The following NSMCE4A variants were observed in gnomAD, a reference collection of about 807,000 sequenced individuals.
NSMCE4A encodes the protein non-structural maintenance of chromosomes element 4 homolog A.
A neutral mutation model predicts 47.9 loss-of-function variants in NSMCE4A; 40 were observed. The observed-to-expected ratio is 0.83, with a 90% CI of 0.65 to 1.09. The LOEUF (loss-of-function observed/expected upper bound fraction) is 1.09, where lower values mean the gene tolerates loss of function less well. Among genes scored for constraint, NSMCE4A ranks in the 50% least tolerant of loss-of-function variants. NSMCE4A has a pLI of 0.00. For synonymous variants in NSMCE4A, 166 were observed against 178.5 expected, an observed-to-expected ratio of 0.93 and a Z score of 0.56; for missense variants, 500 against 507.0, an observed-to-expected ratio of 0.99 and a Z score of 0.13.
intron 4 of NSMCE4A, chr10:121,966,231 T>C (rs1952604367): frequency 6.6e-6 from 1 of 152,208 alleles, no homozygotes; most frequent in South Asian, 2.1e-4. Flanking sequence ...GATCCTACAC[T>C]GCTAACACCT....
At chr10:121,971,141 C>A in intron 2 of NSMCE4A, 72 bp from the exon 3 acceptor site, 2 of 1,309,644 alleles carry the variant, frequency 1.5e-6, no homozygotes, top group Non-Finnish European at 2.1e-6. Context: ...CCTACATTTC[C>A]AACTACTTAC....
Position 121,970,920 on chromosome 10 carries a change from T to C in NSMCE4A, c.501+19A>G, listed in dbSNP as rs1378915774. ...ATAACAGAACATTTTTTATTCAGAG[T>C]CTGTAGCTTTGAACTTACTAGAGTT... On this transcript the variant is annotated intron_variant, in intron 3 of 10. Transcript: ENST00000369023. 1.3e-6 allele frequency: 2 copies of C among 1,586,998 alleles called. No homozygotes were observed. The highest frequency in any genetic ancestry group is 1.8e-5 in the Admixed American group (1 of 55,106).
chr10:121,964,946 G>C (rs1952578275), intron 5 of NSMCE4A, among the ~76,000 whole-genome samples: 1 of 152,088 alleles, frequency 6.6e-6, no homozygotes, highest in African/African-American at 2.4e-5. Context: ...GGGTCGGGGG[G>C]GCTATTAGCA....
At position 121,975,116 on chromosome 10, in the gene NSMCE4A, C is replaced by T; in HGVS notation, c.50G>A (p.Arg17His). The change falls in exon 1 of 11, where the codon CGC (arginine) becomes CAC (histidine). Residue 17 changes from arginine (R) to histidine (H), a missense_variant. Arg to His is a conservative substitution (Grantham distance 29). Coordinates refer to ENST00000369023, the MANE Select transcript of NSMCE4A (RefSeq NM_017615.3). ...GRGPEGRGRG[R>H]DPHRDRTRSR... ...GCGGGTGCGATCCCGATGCGGGTCG[C>T]GGCCCCGGCCCCGGCCCTCTGGCCC... 1 of 1,417,524 alleles carries T rather than the reference C, an allele frequency of 7.1e-7. No homozygotes were observed. Among genetic ancestry groups the T allele is most frequent in the Non-Finnish European group, 9.1e-7 (1 of 1,097,484 alleles). The allele number at this position is 1,417,524 out of a possible 1,614,324, so 87.8% of individuals were successfully genotyped here. A position where few individuals can be genotyped will look rare whatever the true frequency, so the allele number is the denominator to read the frequency against.
intron 5 of NSMCE4A, among the ~76,000 whole-genome samples, chr10:121,964,261 G>A (rs1358030388): frequency 3.5e-5 from 5 of 144,486 alleles, no homozygotes; most frequent in Non-Finnish European, 6.0e-5. Flanking sequence ...TCCTACCTCA[G>A]CCTCCAGAGT....
chr10:121,965,260 T>C (rs1952585444), intron 5 of NSMCE4A, 26 bp downstream of exon 5: 2 of 1,535,596 alleles, frequency 1.3e-6, no homozygotes, highest in South Asian at 2.3e-5. Flanking sequence ...AATGTGTTTT[T>C]TTAAAAGCAA....
intron 3 of NSMCE4A, among the ~76,000 whole-genome samples, chr10:121,969,717 A>G (rs1952671877): frequency 6.6e-6 from 1 of 152,048 alleles, no homozygotes; most frequent in East Asian, 1.9e-4. Flanking sequence ...AGATTGACTG[A>G]TTGATTGATT....
Position 121,975,099 on chromosome 10 carries a change from G to A in NSMCE4A, c.67C>T (p.Arg23Cys). The change falls in exon 1 of 11, where the codon CGC becomes TGC. Residue 23 changes from arginine to cysteine, a missense_variant. By Grantham distance (180) the Arg-to-Cys change is radical. Transcript: ENST00000369023. ...CGCGAGCGGGAGCGGGAGCGGGTGC[G>A]ATCCCGATGCGGGTCGCGGCCCCGG... ...RGRGRDPHRD[R>C]TRSRSRSRSP... 7.0e-7 allele frequency: 1 copy of A among 1,437,152 alleles called. No homozygotes were observed. Among genetic ancestry groups the A allele is most frequent in the Non-Finnish European group, 9.0e-7 (1 of 1,106,430 alleles). The allele number at this position is 1,437,152 out of a possible 1,614,324, so 89.0% of individuals were successfully genotyped here. A position where few individuals can be genotyped will look rare whatever the true frequency, so the allele number is the denominator to read the frequency against.
intron 5 of NSMCE4A, among the ~76,000 whole-genome samples, chr10:121,964,504 CA>C (rs1952567642): frequency 6.6e-6 from 1 of 151,710 alleles, no homozygotes; most frequent in African/African-American, 2.4e-5. Flanking sequence ...AGTACAGTGG[CA>C]TGATCTCGGC....
At chr10:121,970,476 G>GAAAAAAAAAAAAAAAAAAA (rs57421744) in intron 3 of NSMCE4A, among the ~76,000 whole-genome samples, 1 of 101,904 alleles carries the variant, frequency 9.8e-6, no homozygotes. Flanking sequence ...TGTCTCAAAG[G>GAAAAAAAAAAAAAAAAAAA]AAAAAAAAAA....
intron 6 of NSMCE4A, 120 bp downstream of exon 6, chr10:121,963,118 C>T (rs549827698): frequency 2.2e-6 from 1 of 450,684 alleles, no homozygotes. Context: ...GAAGAATCCT[C>T]ATAAAATGCA....
intron 5 of NSMCE4A, among the ~76,000 whole-genome samples, chr10:121,964,720 G>A (rs1452894434): frequency 3.3e-5 from 5 of 152,260 alleles, no homozygotes; most frequent in African/African-American, 9.6e-5. Context: ...GATTACAGGC[G>A]TAAGCCACTG....
Position 121,957,187 on chromosome 10 carries a change from TA to T in NSMCE4A, c.*84del, listed in dbSNP as rs1188018520. ...CATTTTACTAAAAACAATCTGCCTTTAAAAATGTTGAATCATACAATATGTA... is the reference window on the plus strand; with the variant it reads ...CATTTTACTAAAAACAATCTGCCTTTAAAATGTTGAATCATACAATATGTA... On this transcript the variant is annotated 3_prime_UTR_variant, in exon 11 of 11. Coordinates refer to ENST00000369023, the MANE Select transcript of NSMCE4A (RefSeq NM_017615.3). 2 of 152,640 alleles carry T rather than the reference TA, an allele frequency of 1.3e-5. No individual in the cohort carries two copies. The highest frequency in any genetic ancestry group is 6.5e-5 in the Admixed American group (1 of 15,284). The allele number at this position is 152,640 out of a possible 1,614,324, so 9.5% of individuals were successfully genotyped here. A position where few individuals can be genotyped will look rare whatever the true frequency, so the allele number is the denominator to read the frequency against.
intron 1 of NSMCE4A, chr10:121,974,384 A>G: frequency 9.1e-7 from 1 of 1,104,020 alleles, no homozygotes; most frequent in East Asian, 5.3e-5. Context: ...TGCAAGCAAT[A>G]CACACCATCA....
chr10:121,969,259 C>T (rs560874778), intron 3 of NSMCE4A, among the ~76,000 whole-genome samples: 1 of 152,216 alleles, frequency 6.6e-6, no homozygotes, highest in South Asian at 2.1e-4. Context: ...CGCTTGAACC[C>T]AGGAGGTGGA....
At chr10:121,961,354 C>A in intron 7 of NSMCE4A, 69 bp downstream of exon 7, 1 of 1,097,788 alleles carries the variant, frequency 9.1e-7, no homozygotes, top group Non-Finnish European at 1.3e-6. Flanking sequence ...CAGCTCCCTT[C>A]TACAGCTTTT....
intron 3 of NSMCE4A, among the ~76,000 whole-genome samples, chr10:121,968,810 G>A (rs1271343256): frequency 6.6e-6 from 1 of 152,114 alleles, no homozygotes; most frequent in Non-Finnish European, 1.5e-5. Context: ...TGGTCAGAGC[G>A]CTATGGCCAG....
chr10:121,957,429 CTTTTTTTTTTT>C (rs34808169), intron 10 of NSMCE4A, among the ~76,000 whole-genome samples, 170 bp from the exon 11 acceptor site: 3 of 98,356 alleles, frequency 3.1e-5, no homozygotes, highest in Non-Finnish European at 4.2e-5. Context: ...CTTCTTTTTT[CTTTTTTTTTTT>C]TTTTTTTTTT....
In NSMCE4A at chr10:121,975,030, G is replaced by A. The variant is rs937525488; in HGVS notation, c.136C>T (p.Arg46Cys). Residue 46 changes from arginine (R) to cysteine (C), a missense_variant, in exon 1 of 11, where the codon CGC becomes TGC. Arg to Cys is a radical substitution (Grantham distance 180). Transcript: ENST00000369023. ...CTCGGGCGCTCTGGGGCCTCTCTGC[G>A]CTCCCGCGCAGAGCCGCGGCGGGAC... is the stretch of plus-strand genomic sequence containing the variant. ...PRSRRGSARE[R>C]REAPERPSLE... 2.7e-6 allele frequency: 4 copies of A among 1,488,434 alleles called. No homozygotes were observed. The African/African-American group carries it at 5.9e-5, about 22-fold the overall frequency. 92.2% of individuals were successfully genotyped at this position (1,488,434 alleles called of 1,614,324 possible). A position where few individuals can be genotyped will look rare whatever the true frequency, so the allele number is the denominator to read the frequency against.
Sources: gnomAD v4.1 joint callset for allele counts (sites outside exome capture counted in the v4.1 genomes callset) on GRCh38, gnomAD v4.1.1 for gene constraint, MANE v1.5 for transcripts, NCBI Gene and HGNC (gene_info 2026-07-23, HGNC 2026-07-21) for gene names.